The following CNTN4 variants were observed in gnomAD, a reference collection of about 807,000 sequenced individuals.
The protein encoded by CNTN4 is contactin 4.
Under a neutral mutation model 122.5 loss-of-function variants are expected in CNTN4, and 77 were observed. The observed-to-expected ratio is 0.63, with a 90% CI of 0.52 to 0.76. CNTN4 has a LOEUF of 0.76. Ranked by LOEUF, CNTN4 falls within the 30% of genes least tolerant of loss-of-function variation. CNTN4 has a pLI of 0.00. For missense variants in CNTN4, 1,256 were observed against 1,259.1 expected (o/e 1.00, Z 0.04); for synonymous variants, 512 against 447.0 (o/e 1.15, Z -1.83).
intron 3 of CNTN4, among the ~76,000 whole-genome samples, chr3:2,449,794 C>T (rs1294536516): frequency 3.3e-5 from 5 of 151,622 alleles, no homozygotes; most frequent in African/African-American, 9.7e-5. Context: ...CTATTTATGA[C>T]AACATGGATG....
intron 2 of CNTN4, among the ~76,000 whole-genome samples, chr3:2,203,282 A>G (rs906377777): frequency 6.6e-5 from 10 of 152,180 alleles, no homozygotes; most frequent in African/African-American, 2.4e-4. Context: ...TCTTTTAGAG[A>G]GAATGTGAAT....
intron 2 of CNTN4, among the ~76,000 whole-genome samples, chr3:2,184,863 G>A (rs1431484898): frequency 1.3e-5 from 2 of 152,168 alleles, no homozygotes; most frequent in Non-Finnish European, 2.9e-5. Context: ...CTCAGTCTGT[G>A]TTATTTGGTT....
chr3:2,680,565 C>T (rs1309107983), intron 4 of CNTN4, among the ~76,000 whole-genome samples: 1 of 152,080 alleles, frequency 6.6e-6, no homozygotes, highest in Non-Finnish European at 1.5e-5. Flanking sequence ...GTGTGCAATT[C>T]TTTATATTCA....
intron 2 of CNTN4, among the ~76,000 whole-genome samples, chr3:2,157,991 G>A (rs769112606): frequency 1.4e-4 from 21 of 152,186 alleles, no homozygotes; most frequent in Non-Finnish European, 2.8e-4. Flanking sequence ...CATGAAATTA[G>A]AGTGGAGCCT....
chr3:2,665,257 T>G (rs2150324878), intron 4 of CNTN4, among the ~76,000 whole-genome samples: 1 of 152,334 alleles, frequency 6.6e-6, no homozygotes, highest in South Asian at 2.1e-4. Flanking sequence ...AATTTGTACT[T>G]TTTTATTAGC....
At chr3:2,708,031 A>G (rs60545370) in intron 4 of CNTN4, among the ~76,000 whole-genome samples, 6,309 of 152,260 alleles carry the variant, frequency 0.041, 196 homozygotes, top group Admixed American at 0.073. Flanking sequence ...TATAATACCA[A>G]TTCATTCTAT....
intron 6 of CNTN4, among the ~76,000 whole-genome samples, chr3:2,770,554 A>G (rs2091053254): frequency 6.6e-6 from 1 of 152,236 alleles, no homozygotes; most frequent in South Asian, 2.1e-4. Context: ...TCTCTGCAAA[A>G]TAGTGTCTCT....
chr3:2,691,159 GT>G (rs1331046992), intron 4 of CNTN4, among the ~76,000 whole-genome samples: 2 of 152,112 alleles, frequency 1.3e-5, no homozygotes, highest in African/African-American at 2.4e-5. Context: ...GCATATCTCA[GT>G]TTCAGTTCTG....
chr3:2,614,958 A>G (rs1330499399), intron 4 of CNTN4, among the ~76,000 whole-genome samples: 2 of 152,182 alleles, frequency 1.3e-5, no homozygotes, highest in Non-Finnish European at 2.9e-5. Context: ...TTATTTATTG[A>G]AACATTTGTC....
chr3:2,478,828 T>G (rs2075904899), intron 3 of CNTN4, among the ~76,000 whole-genome samples: 1 of 152,222 alleles, frequency 6.6e-6, no homozygotes, highest in Non-Finnish European at 1.5e-5. Flanking sequence ...TTCTCTAGTC[T>G]GTCACTGATG....
chr3:2,191,636 C>T (rs986759948), intron 2 of CNTN4, among the ~76,000 whole-genome samples: 2 of 151,844 alleles, frequency 1.3e-5, no homozygotes, highest in East Asian at 1.9e-4. Context: ...GTTCAGGCCC[C>T]AACTGCCTAC....
chr3:2,384,656 C>T (rs905922117), intron 3 of CNTN4, among the ~76,000 whole-genome samples: 4 of 152,016 alleles, frequency 2.6e-5, no homozygotes, highest in Non-Finnish European at 5.9e-5. Context: ...TCTATGACAC[C>T]TGAATAGGAC....
intron 3 of CNTN4, among the ~76,000 whole-genome samples, chr3:2,383,325 C>G (rs2046100753): frequency 6.6e-6 from 1 of 152,046 alleles, no homozygotes; most frequent in Non-Finnish European, 1.5e-5. Context: ...TAATGAGTAA[C>G]CATTTATAGT....
intron 3 of CNTN4, among the ~76,000 whole-genome samples, chr3:2,401,445 G>A (rs535959098): frequency 1.3e-5 from 2 of 152,072 alleles, no homozygotes; most frequent in African/African-American, 4.8e-5. Flanking sequence ...GGCTATTTTG[G>A]AGCATCAGTC....
At chr3:3,042,766 G>T (rs1039772685) in intron 21 of CNTN4, 19 of 608,366 alleles carry the variant, frequency 3.1e-5, no homozygotes, top group Admixed American at 5.9e-5. Flanking sequence ...TCAATGTACC[G>T]TCTCACTAGG....
At chr3:2,866,996 A>G (rs768026136) in intron 8 of CNTN4, 47 bp downstream of exon 8, 9 of 1,510,226 alleles carry the variant, frequency 6.0e-6, no homozygotes, top group Non-Finnish European at 8.3e-6. Context: ...CAATCACAGG[A>G]TGAATGTGGA....
intron 14 of CNTN4, among the ~76,000 whole-genome samples, chr3:3,023,190 T>G (rs1427859608): frequency 6.6e-6 from 1 of 152,194 alleles, no homozygotes; most frequent in Admixed American, 6.5e-5. Flanking sequence ...ACCAAGTCGC[T>G]AATGAGATTT....
chr3:2,121,125 C>G (rs557810771), intron 2 of CNTN4, among the ~76,000 whole-genome samples: 43 of 152,038 alleles, frequency 2.8e-4, no homozygotes, highest in Non-Finnish European at 5.0e-4. Flanking sequence ...CCCTCCCTCT[C>G]TTCTTTCCTT....
At chr3:2,120,405 A>ATATTTTT (rs1428527983) in intron 2 of CNTN4, among the ~76,000 whole-genome samples, 5 of 40,882 alleles carry the variant, frequency 1.2e-4, no homozygotes, top group East Asian at 1.4e-3. Flanking sequence ...ATATATATAT[A>ATATTTTT]TTTTTTTTTT....
Sources: gnomAD v4.1 joint callset for allele counts (sites outside exome capture counted in the v4.1 genomes callset) on GRCh38, gnomAD v4.1.1 for gene constraint, MANE v1.5 for transcripts, NCBI Gene and HGNC (gene_info 2026-07-23, HGNC 2026-07-21) for gene names.